The following EML4 variants were observed in gnomAD, a reference collection of about 807,000 sequenced individuals.
EML4 encodes echinoderm microtubule-associated protein-like 4.
Under a neutral mutation model 129.0 loss-of-function variants are expected in EML4, and 72 were observed. That is an observed-to-expected ratio of 0.56 (90% CI 0.46 to 0.68). The LOEUF (loss-of-function observed/expected upper bound fraction) is 0.68, where lower values mean the gene tolerates loss of function less well. Among genes scored for constraint, EML4 ranks in the 30% least tolerant of loss-of-function variants. The pLI is 0.00. For synonymous variants in EML4, 532 were observed against 405.0 expected, an observed-to-expected ratio of 1.31 and a Z score of -3.77; for missense variants, 1,363 against 1,190.6, an observed-to-expected ratio of 1.14 and a Z score of -2.13.
At chr2:42,174,957 C>T (rs1287767069) in intron 1 of EML4, among the ~76,000 whole-genome samples, 1 of 151,084 alleles carries the variant, frequency 6.6e-6, no homozygotes, top group African/African-American at 2.4e-5. Context: ...GCTGGGATTA[C>T]AGGTGCCCGC....
At chr2:42,257,048 T>A (rs183522933) in intron 3 of EML4, among the ~76,000 whole-genome samples, 2 of 152,188 alleles carry the variant, frequency 1.3e-5, no homozygotes, top group Admixed American at 6.5e-5. Flanking sequence ...ATTATAACTT[T>A]TATTTTTTAA....
intron 9 of EML4, chr2:42,286,047 T>C: frequency 1.7e-6 from 1 of 597,488 alleles, no homozygotes; most frequent in African/African-American, 1.9e-5. Context: ...TAGAATAGTA[T>C]GTGTAACATA....
chr2:42,191,633 C>G (rs1671585926), intron 1 of EML4, among the ~76,000 whole-genome samples: 1 of 152,184 alleles, frequency 6.6e-6, no homozygotes, highest in African/African-American at 2.4e-5. Context: ...CAAATTGTGT[C>G]TGTTGACATT....
chr2:42,245,813 G>GT (rs1192207462), intron 2 of EML4, 126 bp downstream of exon 2: 5 of 922,902 alleles, frequency 5.4e-6, no homozygotes, highest in Non-Finnish European at 4.5e-6. Context: ...TTTCCATTTC[G>GT]TTTTTTTAAT....
intron 6 of EML4, among the ~76,000 whole-genome samples, chr2:42,280,141 C>T (rs1666925281): frequency 6.6e-6 from 1 of 152,148 alleles, no homozygotes; most frequent in African/African-American, 2.4e-5. Flanking sequence ...GCGTGGTAGA[C>T]ATGGTTGTTG....
chr2:42,290,691 C>G (rs1667588437), intron 11 of EML4, among the ~76,000 whole-genome samples: 1 of 152,070 alleles, frequency 6.6e-6, no homozygotes, highest in South Asian at 2.1e-4. Flanking sequence ...GAGATTGTGC[C>G]ACTGCACTGC....
chr2:42,185,275 A>G (rs999557252), intron 1 of EML4, among the ~76,000 whole-genome samples: 1 of 152,194 alleles, frequency 6.6e-6, no homozygotes. Flanking sequence ...ATATTGTGAC[A>G]CGTGAAAATT....
At chr2:42,271,923 C>A (rs751210836) in intron 6 of EML4, among the ~76,000 whole-genome samples, 29 of 151,806 alleles carry the variant, frequency 1.9e-4, no homozygotes, top group Non-Finnish European at 3.8e-4. Flanking sequence ...GCCAACATGG[C>A]AAAACCCCAT....
intron 1 of EML4, among the ~76,000 whole-genome samples, chr2:42,213,263 C>A (rs1672983831): frequency 6.6e-6 from 1 of 152,180 alleles, no homozygotes; most frequent in Admixed American, 6.5e-5. Flanking sequence ...TACTACTCCC[C>A]CTCCCACATC....
chr2:42,192,517 G>T (rs990107675), intron 1 of EML4, among the ~76,000 whole-genome samples: 3 of 152,086 alleles, frequency 2.0e-5, no homozygotes, highest in African/African-American at 7.2e-5. Context: ...TGGGATTACA[G>T]GCATCAGCCA....
intron 1 of EML4, among the ~76,000 whole-genome samples, chr2:42,193,240 G>T (rs1255188829): frequency 6.6e-6 from 1 of 152,138 alleles, no homozygotes; most frequent in Admixed American, 6.5e-5. Flanking sequence ...GTATAGCCTA[G>T]GTCTGTAGTA....
rs771104922 is a variant in EML4 at position 42,325,506 on chromosome 2, GACA to G, written c.2199_2201del (p.Asn733del). The G allele has an allele frequency of 1.3e-5, 20 of 1,582,686 alleles. No individual in the cohort carries two copies. The highest frequency in any genetic ancestry group is 1.1e-4 in the South Asian group (10 of 89,186). On this transcript the variant is annotated inframe_deletion, in exon 20 of 23. Transcript: ENST00000318522. ...CATCACACACCTTGACTGGTCCCCA[GACA>G]ACAAGTATATAATGTCTAACTCGGG...
At chr2:42,172,962 C>T (rs1053258275) in intron 1 of EML4, among the ~76,000 whole-genome samples, 2 of 152,116 alleles carry the variant, frequency 1.3e-5, no homozygotes, top group African/African-American at 4.8e-5. Context: ...TATACCTAAC[C>T]AGTCAGCTTT....
intron 17 of EML4, among the ~76,000 whole-genome samples, chr2:42,310,168 T>C (rs1383543604): frequency 1.3e-5 from 2 of 152,226 alleles, no homozygotes; most frequent in African/African-American, 4.8e-5. Flanking sequence ...CTCTGGACTT[T>C]GAATTCTGTT....
chr2:42,219,794 C>T (rs1019531553), intron 1 of EML4, among the ~76,000 whole-genome samples: 8 of 150,890 alleles, frequency 5.3e-5, no homozygotes, highest in Admixed American at 1.3e-4. Context: ...GCGTAAGGGG[C>T]GCATGTCTGT....
chr2:42,229,725 ACT>A (rs778986848), intron 1 of EML4, among the ~76,000 whole-genome samples: 1 of 152,010 alleles, frequency 6.6e-6, no homozygotes, highest in African/African-American at 2.4e-5. Flanking sequence ...TAAGAGGAAA[ACT>A]CTAGCAAAAT....
chr2:42,236,358 A>G (rs901354063), intron 1 of EML4, among the ~76,000 whole-genome samples: 1 of 152,170 alleles, frequency 6.6e-6, no homozygotes, highest in Admixed American at 6.5e-5. Flanking sequence ...ATTTGTTTTT[A>G]TGATGAACTA....
chr2:42,209,016 C>A (rs1371609504), intron 1 of EML4, among the ~76,000 whole-genome samples: 1 of 152,090 alleles, frequency 6.6e-6, no homozygotes, highest in South Asian at 2.1e-4. Flanking sequence ...ATGGTTTTAT[C>A]CCCTAAGAGT....
chr2:42,308,047 TC>T (rs1175567726), intron 17 of EML4, among the ~76,000 whole-genome samples: 3 of 152,276 alleles, frequency 2.0e-5, no homozygotes. Context: ...TGTCTTCATG[TC>T]CAGATCTAGA....
Sources: gnomAD v4.1 joint callset for allele counts (sites outside exome capture counted in the v4.1 genomes callset) on GRCh38, gnomAD v4.1.1 for gene constraint, MANE v1.5 for transcripts, NCBI Gene and HGNC (gene_info 2026-07-23, HGNC 2026-07-21) for gene names.